ELMOD1: variants seen among roughly 807,000 people sequenced by gnomAD.
ELMOD1 encodes the protein ELMO domain containing 1, also known as ELMO domain-containing protein 1.
A neutral mutation model predicts 46.7 loss-of-function variants in ELMOD1; 21 were observed. The ratio of observed to expected loss-of-function variants is 0.45; its 90% CI spans 0.32 to 0.65. The LOEUF is 0.65. Among genes scored for constraint, ELMOD1 ranks in the 30% least tolerant of loss-of-function variants. ELMOD1 has a pLI of 0.04. For missense variants in ELMOD1, 348 were observed against 407.8 expected (o/e 0.85, Z 1.26); for synonymous variants, 122 against 138.2 (o/e 0.88, Z 0.82).
chr11:107,619,221 G>A (rs1339130234), intron 2 of ELMOD1, among the ~76,000 whole-genome samples: 2 of 152,120 alleles, frequency 1.3e-5, no homozygotes, highest in East Asian at 1.9e-4. Context: ...CTGGATCTTC[G>A]AATTGTGAAA....
intron 11 of ELMOD1, among the ~76,000 whole-genome samples, chr11:107,660,882 C>A (rs1338749366): frequency 6.6e-6 from 1 of 152,182 alleles, no homozygotes; most frequent in African/African-American, 2.4e-5. Context: ...CCAATAGACC[C>A]AGCATTAGGG....
chr11:107,605,173 G>C (rs1865664234), intron 1 of ELMOD1, among the ~76,000 whole-genome samples: 1 of 150,296 alleles, frequency 6.7e-6, no homozygotes, highest in Admixed American at 6.6e-5. Flanking sequence ...TTTTGTAGCT[G>C]AGAGATGAAT....
Position 107,651,133 on chromosome 11 carries a change from C to T in ELMOD1, c.647+225C>T, listed in dbSNP as rs139936168. On this transcript the variant is annotated intron_variant, in intron 9 of 11. Transcript: ENST00000265840. ...TCAAACAGTCTTTCTACAGCCATGA[C>T]GGAACCTGGTTGGAGAAACATTTTG... Among the ~76,000 whole-genome samples the T allele has an allele frequency of 8.9e-3, 1,357 of 152,276 alleles. 10 individuals are homozygous for T. The highest frequency in any genetic ancestry group is 0.016 in the Admixed American group (241 of 15,302).
At chr11:107,652,914 CCTTT>C (rs1306252904) in intron 9 of ELMOD1, among the ~76,000 whole-genome samples, 2 of 152,124 alleles carry the variant, frequency 1.3e-5, no homozygotes, top group Admixed American at 6.5e-5. Flanking sequence ...GGAGAACTCT[CCTTT>C]CTTCTAGTTA....
chr11:107,662,385 C>T (rs907252895), intron 11 of ELMOD1, among the ~76,000 whole-genome samples: 12 of 151,686 alleles, frequency 7.9e-5, no homozygotes, highest in South Asian at 2.1e-4. Flanking sequence ...CTGAGGCGGG[C>T]GGATCACTTG....
Position 107,630,635 on chromosome 11 carries a change from T to C in ELMOD1, c.164-65T>C, listed in dbSNP as rs548202572. Reference sequence around the variant, plus strand: ...GAAGATACGATGTTGTCTTTCAGTGTAGTAATTCTAAACCATGTGTAAAGG... The same window carrying C: ...GAAGATACGATGTTGTCTTTCAGTGCAGTAATTCTAAACCATGTGTAAAGG... On this transcript the variant is annotated intron_variant, in intron 3 of 11. Transcript: ENST00000265840. The C allele has an allele frequency of 3.1e-6, 5 of 1,600,716 alleles. No individual in the cohort carries two copies. In the East Asian group the frequency reaches 8.9e-5, roughly 29 times the overall value.
In ELMOD1 at chr11:107,665,009, G is replaced by A. The variant is rs1349287023; in HGVS notation, c.833-16G>A. Reference sequence around the variant, plus strand: ...TTTTTTCTCCTGCATTCTTATCATTGTATTGTCTCCAACAGGCTATTTGAT... The same window carrying A: ...TTTTTTCTCCTGCATTCTTATCATTATATTGTCTCCAACAGGCTATTTGAT... On this transcript the variant is annotated splice_polypyrimidine_tract_variant and intron_variant, in intron 11 of 11. Transcript: ENST00000265840. The A allele has an allele frequency of 1.2e-6, 2 of 1,600,840 alleles. No individual in the cohort carries two copies. The highest frequency in any genetic ancestry group is 2.2e-5 in the South Asian group (2 of 89,296).
In ELMOD1 at chr11:107,666,216, T is replaced by C. The variant is rs1565395865; in HGVS notation, c.*1019T>C. 1 of 152,308 alleles carries C rather than the reference T, an allele frequency of 6.6e-6. No individual in the cohort carries two copies. The highest frequency in any genetic ancestry group is 1.9e-4 in the East Asian group (1 of 5,184). The allele number at this position is 152,308 out of a possible 1,614,324, so 9.4% of individuals were successfully genotyped here. ...AAACTATTTTATTCCCATAACTTCA[T>C]TGGCTTGGATGCCTAAGTGTATGAT... On this transcript the variant is annotated 3_prime_UTR_variant, in exon 12 of 12. Coordinates refer to ENST00000265840, the MANE Select transcript of ELMOD1 (RefSeq NM_018712.4).
chr11:107,639,799 TGTA>T (rs1866289511), intron 6 of ELMOD1, among the ~76,000 whole-genome samples: 1 of 152,158 alleles, frequency 6.6e-6, no homozygotes, highest in Non-Finnish European at 1.5e-5. Context: ...CAGGTGGCTT[TGTA>T]GTAACTACTC....
At chr11:107,630,781 A>T (rs1370185976) in intron 4 of ELMOD1, 53 bp downstream of exon 4, 1 of 1,538,350 alleles carries the variant, frequency 6.5e-7, no homozygotes, top group African/African-American at 1.4e-5. Context: ...GCTTACCTTT[A>T]TCATAAGAAG....
chr11:107,629,424 A>G (rs1866098878), intron 2 of ELMOD1, among the ~76,000 whole-genome samples: 1 of 152,252 alleles, frequency 6.6e-6, no homozygotes, highest in Non-Finnish European at 1.5e-5. Context: ...CTGGGGATGT[A>G]CAGTATAAAG....
At chr11:107,653,979 G>A (rs1331308949) in intron 9 of ELMOD1, 193 bp from the exon 10 acceptor site, 7 of 586,906 alleles carry the variant, frequency 1.2e-5, no homozygotes, top group Non-Finnish European at 2.1e-5. Flanking sequence ...GTGGATAGGA[G>A]GTAAATAGCA....
chr11:107,631,525 C>A, intron 4 of ELMOD1, 55 bp from the exon 5 acceptor site: 1 of 1,112,166 alleles, frequency 9.0e-7, no homozygotes. Flanking sequence ...CCAGTAGATA[C>A]TGATTAAGCC....
chr11:107,626,193 T>A (rs1866037431), intron 2 of ELMOD1, among the ~76,000 whole-genome samples: 1 of 151,930 alleles, frequency 6.6e-6, no homozygotes, highest in South Asian at 2.1e-4. Context: ...AAACTAAGCT[T>A]ATTGGTTTCC....
intron 11 of ELMOD1, among the ~76,000 whole-genome samples, chr11:107,661,612 A>G: frequency 6.6e-6 from 1 of 152,350 alleles, no homozygotes. Context: ...TATTTTATAT[A>G]GTAAGGAAAG....
At chr11:107,657,713 G>A (rs534847612) in intron 11 of ELMOD1, among the ~76,000 whole-genome samples, 24 of 152,176 alleles carry the variant, frequency 1.6e-4, no homozygotes, top group Admixed American at 9.2e-4. Flanking sequence ...TTATCAGGAA[G>A]CTTATTTCCA....
At chr11:107,624,315 A>G (rs916037665) in intron 2 of ELMOD1, among the ~76,000 whole-genome samples, 14 of 152,258 alleles carry the variant, frequency 9.2e-5, no homozygotes, top group African/African-American at 2.7e-4. Flanking sequence ...ATAAGTCAAT[A>G]AAAGTATTAT....
chr11:107,648,573 A>G (rs1480043357), intron 7 of ELMOD1, among the ~76,000 whole-genome samples: 2 of 152,236 alleles, frequency 1.3e-5, no homozygotes, highest in Non-Finnish European at 2.9e-5. Flanking sequence ...AATTAATTGT[A>G]TAAAGAGTAC....
At chr11:107,625,346 A>G in intron 2 of ELMOD1, 1 of 935,614 alleles carries the variant, frequency 1.1e-6, no homozygotes, top group Non-Finnish European at 1.3e-6. Context: ...AACTGTGATT[A>G]TTTTTGTACA....
Sources: allele counts gnomAD v4.1 joint callset (sites outside exome capture counted in the v4.1 genomes callset), GRCh38; gene constraint gnomAD v4.1.1; transcripts MANE v1.5; gene names NCBI Gene and HGNC (gene_info 2026-07-23, HGNC 2026-07-21).